The following LOC400499 variants were observed in gnomAD, a reference collection of about 807,000 sequenced individuals.
At chr16:11,465,091 C>T in the LOC400499 span, among the ~76,000 whole-genome samples, 1 of 152,198 alleles carries the variant, frequency 6.6e-6, no homozygotes, top group Admixed American at 6.5e-5. Flanking sequence ...GAAACTGAGG[C>T]AGAATCAGGA....
chr16:11,393,612 T>A, the LOC400499 span: 1 of 1,223,786 alleles, frequency 8.2e-7, no homozygotes, highest in Non-Finnish European at 1.0e-6. Context: ...CTGTCCCTGG[T>A]CTCTCCCCTG....
At chr16:11,387,034 C>T in the LOC400499 span, 241 of 1,130,970 alleles carry the variant, frequency 2.1e-4, no homozygotes, top group Middle Eastern at 9.8e-4. Context: ...ATGCTACTAG[C>T]CTATGGAGGC....
the LOC400499 span, chr16:11,487,134 G>A: frequency 5.0e-6 from 2 of 397,158 alleles, no homozygotes; most frequent in Non-Finnish European, 8.9e-6. Flanking sequence ...TGGGTGACTA[G>A]ATATTAGGGG....
chr16:11,393,335 TG>T, the LOC400499 span: 1 of 1,222,104 alleles, frequency 8.2e-7, no homozygotes, highest in Non-Finnish European at 1.0e-6. Context: ...CGTCCTTTCT[TG>T]AGCCAACAGG....
At chr16:11,409,931 A>T in the LOC400499 span, among the ~76,000 whole-genome samples, 2 of 152,252 alleles carry the variant, frequency 1.3e-5, no homozygotes, top group African/African-American at 4.8e-5. Context: ...GTCCTACAGT[A>T]GCTTTTATAT....
At chr16:11,425,406 G>A in the LOC400499 span, 1 of 399,310 alleles carries the variant, frequency 2.5e-6, no homozygotes, top group East Asian at 3.6e-5. Context: ...GCCCAGCACA[G>A]CTGAGTCAGC....
chr16:11,392,301 G>A, the LOC400499 span: 4 of 399,034 alleles, frequency 1.0e-5, no homozygotes, highest in South Asian at 2.5e-4. Context: ...CTGTGTCCCA[G>A]CCCAGGCCCT....
chr16:11,446,241 TG>T, the LOC400499 span, among the ~76,000 whole-genome samples: 1 of 152,272 alleles, frequency 6.6e-6, no homozygotes, highest in East Asian at 1.9e-4. Context: ...CTCAACATCC[TG>T]GGCTTAATCA....
At chr16:11,464,778 T>C in the LOC400499 span, among the ~76,000 whole-genome samples, 1 of 152,158 alleles carries the variant, frequency 6.6e-6, no homozygotes, top group South Asian at 2.1e-4. Flanking sequence ...AAGGCAAACA[T>C]TTCCAGGCTG....
chr16:11,495,530 G>T, the LOC400499 span, among the ~76,000 whole-genome samples: 1 of 152,022 alleles, frequency 6.6e-6, no homozygotes, highest in Non-Finnish European at 1.5e-5. Flanking sequence ...ACAGACACGT[G>T]CCACCACCCT....
the LOC400499 span, among the ~76,000 whole-genome samples, chr16:11,484,512 C>A: frequency 6.6e-6 from 1 of 152,052 alleles, no homozygotes; most frequent in Non-Finnish European, 1.5e-5. Context: ...CTGATGCTGC[C>A]AGAAGTCAGA....
the LOC400499 span, among the ~76,000 whole-genome samples, chr16:11,406,512 A>C: frequency 6.6e-6 from 1 of 152,304 alleles, no homozygotes; most frequent in South Asian, 2.1e-4. Flanking sequence ...GGCTCACTGC[A>C]ACCTCCACAT....
At chr16:11,509,118 T>G in the LOC400499 span, among the ~76,000 whole-genome samples, 2 of 107,378 alleles carry the variant, frequency 1.9e-5, no homozygotes, top group African/African-American at 6.6e-5. Context: ...ATCCTTTTTT[T>G]TCTTTTTTTT....
At chr16:11,411,203 C>T in the LOC400499 span, 4 of 399,288 alleles carry the variant, frequency 1.0e-5, no homozygotes, top group African/African-American at 2.1e-5. Flanking sequence ...TCGGGCTGGG[C>T]ATCTGGAACC....
chr16:11,462,382 C>A, the LOC400499 span: 1 of 1,396,390 alleles, frequency 7.2e-7, no homozygotes, highest in Non-Finnish European at 9.3e-7. Flanking sequence ...TGGGACCAGA[C>A]AGGGCAGGAG....
the LOC400499 span, chr16:11,460,550 C>A: frequency 6.5e-7 from 1 of 1,535,630 alleles, no homozygotes; most frequent in East Asian, 2.4e-5. Flanking sequence ...ACCGTCTGAG[C>A]CACTGTCTGC....
At chr16:11,441,953 C>T in the LOC400499 span, among the ~76,000 whole-genome samples, 1 of 152,212 alleles carries the variant, frequency 6.6e-6, no homozygotes, top group Non-Finnish European at 1.5e-5. Context: ...TTATGGCAGC[C>T]ATAGCAAACT....
the LOC400499 span, among the ~76,000 whole-genome samples, chr16:11,386,253 G>T: frequency 6.6e-6 from 1 of 152,190 alleles, no homozygotes; most frequent in Non-Finnish European, 1.5e-5. Flanking sequence ...GTGGCTTGGG[G>T]GTGGGGGTGC....
the LOC400499 span, among the ~76,000 whole-genome samples, chr16:11,506,396 C>T: frequency 6.6e-6 from 1 of 152,214 alleles, no homozygotes; most frequent in East Asian, 1.9e-4. Flanking sequence ...CTCACCCACT[C>T]TTGTGAGCCA....
Sources: allele counts gnomAD v4.1 joint callset (sites outside exome capture counted in the v4.1 genomes callset), GRCh38; gene constraint gnomAD v4.1.1; transcripts MANE v1.5.